CPZ: variants seen among roughly 807,000 people sequenced by gnomAD.
CPZ encodes the protein VEZT/CPZ fusion.
CPZ carries 103 observed loss-of-function variants against 61.8 expected under a neutral mutation model. The ratio of observed to expected loss-of-function variants is 1.67; its 90% CI spans 1.42 to 1.96. The LOEUF (loss-of-function observed/expected upper bound fraction) is 1.96, where lower values mean the gene tolerates loss of function less well. Among genes scored for constraint, CPZ ranks in the 30% most tolerant of loss-of-function variants. The probability of loss-of-function intolerance (pLI) is 0.00; values close to 1 mark genes in which losing one functional copy is unlikely to be tolerated. For missense variants in CPZ, 1,461 were observed against 914.9 expected, an observed-to-expected ratio of 1.60 and a Z score of -7.70; for synonymous variants, 551 against 373.7, an observed-to-expected ratio of 1.47 and a Z score of -5.47.
At position 8,592,824 on chromosome 4, in the gene CPZ, C is replaced by T. The variant is rs368876185; in HGVS notation, c.-10C>T. 1.8e-3 allele frequency: 2,664 copies of T among 1,457,286 alleles called. 5 individuals carry two copies. The highest frequency in any genetic ancestry group is 2.1e-3 in the Non-Finnish European group (2,375 of 1,110,306). The allele number at this position is 1,457,286 out of a possible 1,614,324, so 90.3% of individuals were successfully genotyped here. On this transcript the variant is annotated 5_prime_UTR_variant, in exon 1 of 11. Coordinates refer to ENST00000360986, the MANE Select transcript of CPZ (RefSeq NM_001014447.3). ...CACTGCGCTGGCCGTCCAAGGTCCG[C>T]CGCCCCACCATGCCGCCCCCGCTGC...
intron 8 of CPZ, 51 bp downstream of exon 8, chr4:8,612,213 T>TGTGGGGGGG: frequency 3.1e-5 from 1 of 31,954 alleles, no homozygotes; most frequent in Non-Finnish European, 5.2e-5. Context: ...GTGCAGGGGC[T>TGTGGGGGGG]GGGTGGGGCA....
chr4:8,604,586 A>C (rs957302361), intron 4 of CPZ, among the ~76,000 whole-genome samples: 6 of 152,218 alleles, frequency 3.9e-5, no homozygotes, highest in Non-Finnish European at 4.4e-5. Flanking sequence ...GGTTCAAGCA[A>C]TTCTCCTGCC....
intron 6 of CPZ, 101 bp downstream of exon 6, chr4:8,606,999 C>G: frequency 7.5e-7 from 1 of 1,330,482 alleles, no homozygotes; most frequent in Non-Finnish European, 1.0e-6. Context: ...GACAGGAGAG[C>G]CTGGTGCTCC....
intron 7 of CPZ, among the ~76,000 whole-genome samples, chr4:8,610,314 CTG>C (rs1179685006): frequency 1.3e-5 from 2 of 152,242 alleles, no homozygotes; most frequent in African/African-American, 4.8e-5. Context: ...CAGGTCAGGC[CTG>C]TGTTAGCCAG....
At chr4:8,595,363 A>G (rs1364632935) in intron 1 of CPZ, among the ~76,000 whole-genome samples, 1 of 152,194 alleles carries the variant, frequency 6.6e-6, no homozygotes, top group African/African-American at 2.4e-5. Flanking sequence ...TCTGTGTCCC[A>G]CGGTGGTTGG....
chr4:8,608,850 G>C (rs573222717), intron 7 of CPZ, among the ~76,000 whole-genome samples: 1 of 152,186 alleles, frequency 6.6e-6, no homozygotes, highest in African/African-American at 2.4e-5. Flanking sequence ...CCAGGGAGCC[G>C]GGTGCAGGGG....
intron 2 of CPZ, among the ~76,000 whole-genome samples, chr4:8,600,616 C>A (rs988405685): frequency 2.0e-5 from 3 of 152,336 alleles, no homozygotes; most frequent in Admixed American, 6.5e-5. Flanking sequence ...GGCATCCCTG[C>A]GAGCTGCAGA....
At chr4:8,614,105 G>A (rs548498131) in intron 8 of CPZ, among the ~76,000 whole-genome samples, 31 of 152,382 alleles carry the variant, frequency 2.0e-4, no homozygotes, top group African/African-American at 7.5e-4. Flanking sequence ...GCCATCTGCG[G>A]ATCTGCAAAG....
intron 7 of CPZ, chr4:8,611,026 C>A (rs552296405): frequency 9.1e-6 from 3 of 330,966 alleles, no homozygotes; most frequent in Admixed American, 3.2e-5. Context: ...TCACTCATTC[C>A]CTCACTCTTT....
chr4:8,602,682 C>T (rs775365614), intron 3 of CPZ: 3 of 152,250 alleles, frequency 2.0e-5, no homozygotes, highest in Non-Finnish European at 2.9e-5. Flanking sequence ...TGGATTTGGC[C>T]ATTTGTCAAA....
chr4:8,605,568 T>TGTCC (rs1714900269), intron 4 of CPZ, among the ~76,000 whole-genome samples: 1 of 126,838 alleles, frequency 7.9e-6, no homozygotes, highest in African/African-American at 3.8e-5. Flanking sequence ...TTGATATATC[T>TGTCC]ATCCATCCAG....
intron 7 of CPZ, among the ~76,000 whole-genome samples, chr4:8,609,846 C>A (rs1303012744): frequency 6.6e-6 from 1 of 152,222 alleles, no homozygotes. Context: ...ACCAGGGTCC[C>A]AGGAGAGGCC....
rs748653002 is a variant in CPZ, at chr4:8,612,198, G to T, written c.1363+36G>T. 1.6e-4 allele frequency: 54 copies of T among 343,546 alleles called. 1 individual carries two copies. In the Middle Eastern group the frequency reaches 0.016, roughly 99 times the overall value. The allele number at this position is 343,546 out of a possible 1,614,324, so 21.3% of individuals were successfully genotyped here. ...CGCAGGGCGGGACTGGGCGGGGGGT[G>T]GGGGGTGCAGGGGCTGGGTGGGGCA... On this transcript the variant is annotated intron_variant, in intron 8 of 10. Coordinates refer to ENST00000360986, the MANE Select transcript of CPZ (RefSeq NM_001014447.3).
At chr4:8,610,138 T>A (rs755453458) in intron 7 of CPZ, among the ~76,000 whole-genome samples, 11 of 152,276 alleles carry the variant, frequency 7.2e-5, no homozygotes, top group Middle Eastern at 3.4e-3. Context: ...AGGAGCTGGG[T>A]GGGCTGGGTT....
chr4:8,598,953 G>A (rs557859601), intron 1 of CPZ, among the ~76,000 whole-genome samples: 59 of 152,362 alleles, frequency 3.9e-4, no homozygotes, highest in African/African-American at 1.0e-3. Context: ...CGGAGCCTGC[G>A]TGGCTGACTC....
At chr4:8,619,189 T>A in intron 10 of CPZ, 73 bp from the exon 11 acceptor site, 1 of 1,339,548 alleles carries the variant, frequency 7.5e-7, no homozygotes, top group African/African-American at 1.5e-5. Flanking sequence ...TCCCCACTCA[T>A]ATCCATCACC....
intron 9 of CPZ, among the ~76,000 whole-genome samples, chr4:8,615,781 G>GC (rs1716113326): frequency 1.3e-5 from 2 of 152,322 alleles, no homozygotes; most frequent in Admixed American, 6.5e-5. Flanking sequence ...CTGTCCATGA[G>GC]CCCCCTCCTT....
At chr4:8,615,971 C>T (rs1024171241) in intron 9 of CPZ, among the ~76,000 whole-genome samples, 4 of 152,226 alleles carry the variant, frequency 2.6e-5, no homozygotes, top group South Asian at 2.1e-4. Context: ...TCCCATTCTT[C>T]TATGAGCTCT....
chr4:8,599,688 C>T, intron 2 of CPZ: 1 of 1,379,196 alleles, frequency 7.3e-7, no homozygotes, highest in Non-Finnish European at 9.6e-7. Context: ...AAAGGTGCAC[C>T]AGCTTCCCAC....
Sources: allele counts gnomAD v4.1 joint callset (sites outside exome capture counted in the v4.1 genomes callset), GRCh38; gene constraint gnomAD v4.1.1; transcripts MANE v1.5; gene names NCBI Gene and HGNC (gene_info 2026-07-23, HGNC 2026-07-21).